Variants in HS3ST4 observed in about 807,000 individuals in gnomAD.
The protein encoded by HS3ST4 is heparan sulfate-glucosamine 3-sulfotransferase 4, also known as heparan sulfate glucosamine 3-O-sulfotransferase 4.
A neutral mutation model predicts 29.2 loss-of-function variants in HS3ST4; 17 were observed. That is an observed-to-expected ratio of 0.58 (90% CI 0.40 to 0.87). HS3ST4 has a LOEUF of 0.87. Ranked by LOEUF, HS3ST4 falls within the 40% of genes least tolerant of loss-of-function variation. HS3ST4 has a pLI of 0.00. For missense variants in HS3ST4, 627 were observed against 634.5 expected, an observed-to-expected ratio of 0.99 and a Z score of 0.13; for synonymous variants, 314 against 285.7, an observed-to-expected ratio of 1.10 and a Z score of -1.00.
chr16:25,958,474 G>A (rs1285273016), intron 1 of HS3ST4, among the ~76,000 whole-genome samples: 1 of 152,070 alleles, frequency 6.6e-6, no homozygotes, highest in Non-Finnish European at 1.5e-5. Context: ...GGGACTACAG[G>A]CGTGCACCAC....
chr16:25,805,435 G>A (rs1966980419), intron 1 of HS3ST4, among the ~76,000 whole-genome samples: 1 of 152,136 alleles, frequency 6.6e-6, no homozygotes, highest in South Asian at 2.1e-4. Flanking sequence ...ATATTAGAAA[G>A]TCCTTGAGAC....
At chr16:25,960,461 CA>C in intron 1 of HS3ST4, among the ~76,000 whole-genome samples, 1 of 152,342 alleles carries the variant, frequency 6.6e-6, no homozygotes, top group East Asian at 1.9e-4. Flanking sequence ...TTCATCATCA[CA>C]GTTGTTTCTC....
At chr16:26,026,418 T>C (rs562300208) in intron 1 of HS3ST4, among the ~76,000 whole-genome samples, 3 of 152,182 alleles carry the variant, frequency 2.0e-5, no homozygotes, top group Non-Finnish European at 4.4e-5. Context: ...GGCTCCAAGG[T>C]TGGGTAATTC....
chr16:26,124,602 T>C lies in HS3ST4; in HGVS notation c.735-11010T>C, dbSNP rs8053485. Among the ~76,000 whole-genome samples the C allele has an allele frequency of 9.1e-3, 1,381 of 152,266 alleles. 16 individuals carry two copies. The highest frequency in any genetic ancestry group is 0.032 in the African/African-American group (1,318 of 41,534). On this transcript the variant is annotated intron_variant, in intron 1 of 1. Transcript: ENST00000331351. ...AACCCTCTGTGATAGACTTCTATGT[T>C]CTCATGAGGTATTCAGACATGCCTG...
chr16:25,782,852 G>A (rs904771354), intron 1 of HS3ST4, among the ~76,000 whole-genome samples: 2 of 152,144 alleles, frequency 1.3e-5, no homozygotes, highest in Non-Finnish European at 2.9e-5. Context: ...GCAAACATGA[G>A]CGTATGAAAT....
chr16:25,976,548 G>T (rs1054111621), intron 1 of HS3ST4, among the ~76,000 whole-genome samples: 1 of 152,164 alleles, frequency 6.6e-6, no homozygotes, highest in African/African-American at 2.4e-5. Flanking sequence ...TTTGTGGAAG[G>T]CGTGGTTGGT....
At chr16:26,062,227 G>C (rs1898484623) in intron 1 of HS3ST4, among the ~76,000 whole-genome samples, 1 of 152,218 alleles carries the variant, frequency 6.6e-6, no homozygotes, top group African/African-American at 2.4e-5. Context: ...AGAGCATTTA[G>C]AGAAAGACAC....
Position 26,088,400 on chromosome 16 carries a change from T to C in HS3ST4, c.735-47212T>C, listed in dbSNP as rs962935856. ...TTAATTATTGTGTTGATTGCTTGAA[T>C]TGGTTGTTTGGCTGCTGTGGTTTTT... On this transcript the variant is annotated intron_variant, in intron 1 of 1. Transcript: ENST00000331351. 3.3e-5 allele frequency among the ~76,000 whole-genome samples: 5 copies of C among 152,194 alleles called. No homozygotes were observed. In the East Asian group the frequency reaches 5.8e-4, roughly 18 times the overall value.
chr16:25,866,644 C>T (rs922875244), intron 1 of HS3ST4, among the ~76,000 whole-genome samples: 12 of 151,984 alleles, frequency 7.9e-5, no homozygotes, highest in Non-Finnish European at 7.4e-5. Flanking sequence ...ATCACACACA[C>T]GGTCTGTCAT....
chr16:26,034,754 C>A (rs1233135071), intron 1 of HS3ST4, among the ~76,000 whole-genome samples: 2 of 150,974 alleles, frequency 1.3e-5, no homozygotes, highest in African/African-American at 2.4e-5. Flanking sequence ...AAAAAAAAAA[C>A]TGACGTGAGT....
At chr16:25,817,402 A>G (rs1191692409) in intron 1 of HS3ST4, among the ~76,000 whole-genome samples, 5 of 152,192 alleles carry the variant, frequency 3.3e-5, no homozygotes, top group Non-Finnish European at 7.3e-5. Flanking sequence ...GGGTCATACA[A>G]CCTCGTTGCG....
At chr16:25,973,356 G>C (rs1968914821) in intron 1 of HS3ST4, among the ~76,000 whole-genome samples, 1 of 152,214 alleles carries the variant, frequency 6.6e-6, no homozygotes, top group Non-Finnish European at 1.5e-5. Context: ...ATAGAAGAAA[G>C]GGGACAAGAT....
At chr16:25,740,715 G>A (rs1238706321) in intron 1 of HS3ST4, among the ~76,000 whole-genome samples, 2 of 152,154 alleles carry the variant, frequency 1.3e-5, no homozygotes, top group Non-Finnish European at 2.9e-5. Flanking sequence ...TGAGGACAGT[G>A]TTATCACAAT....
chr16:25,953,958 G>A (rs914771861), intron 1 of HS3ST4, among the ~76,000 whole-genome samples: 3 of 152,298 alleles, frequency 2.0e-5, no homozygotes, highest in African/African-American at 7.2e-5. Context: ...GGCACTTCCA[G>A]TTTCCTTTTC....
intron 1 of HS3ST4, among the ~76,000 whole-genome samples, chr16:25,864,755 G>GTA (rs748281650): frequency 1.3e-5 from 2 of 151,474 alleles, no homozygotes; most frequent in Admixed American, 1.3e-4. Context: ...ATTCCATTGT[G>GTA]TATATATATA....
chr16:25,954,233 G>T (rs7192641), intron 1 of HS3ST4, among the ~76,000 whole-genome samples: 123,802 of 152,190 alleles, frequency 0.81, 50,921 homozygotes, highest in African/African-American at 0.94. Flanking sequence ...TTAAAAGCCA[G>T]TGTTCAGTTT....
intron 1 of HS3ST4, among the ~76,000 whole-genome samples, chr16:26,059,758 T>C (rs1411079863): frequency 2.0e-5 from 3 of 152,118 alleles, no homozygotes; most frequent in Non-Finnish European, 2.9e-5. Context: ...CTAGTATTAT[T>C]ATTACTATTA....
At chr16:26,120,081 G>A (rs1254124199) in intron 1 of HS3ST4, among the ~76,000 whole-genome samples, 5 of 131,372 alleles carry the variant, frequency 3.8e-5, no homozygotes, top group Admixed American at 7.6e-5. Flanking sequence ...ATGTGTGTGT[G>A]TGTGTGTGTG....
chr16:26,062,296 G>A (rs1898485220), intron 1 of HS3ST4, among the ~76,000 whole-genome samples: 1 of 152,196 alleles, frequency 6.6e-6, no homozygotes, highest in Admixed American at 6.5e-5. Flanking sequence ...GCTGTTTAAT[G>A]TCCTCTGGGC....
Sources: allele counts gnomAD v4.1 joint callset (sites outside exome capture counted in the v4.1 genomes callset), GRCh38; gene constraint gnomAD v4.1.1; transcripts MANE v1.5; gene names NCBI Gene and HGNC (gene_info 2026-07-23, HGNC 2026-07-21).